Variants in HS3ST2 observed in about 807,000 individuals in gnomAD.
The protein encoded by HS3ST2 is heparan sulfate glucosamine 3-O-sulfotransferase 2.
In HS3ST2, 17 loss-of-function variants were observed where a neutral mutation model predicts 26.3. The ratio of observed to expected loss-of-function variants is 0.65; its 90% confidence interval spans 0.44 to 0.97. HS3ST2 has a LOEUF of 0.97. Among genes scored for constraint, HS3ST2 ranks in the 50% least tolerant of loss-of-function variants. The probability of loss-of-function intolerance (pLI) is 0.00; values close to 1 mark genes in which losing one functional copy is unlikely to be tolerated. For synonymous variants in HS3ST2, 237 were observed against 219.2 expected, an observed-to-expected ratio of 1.08 and a Z score of -0.72; for missense variants, 402 against 501.2, an observed-to-expected ratio of 0.80 and a Z score of 1.89.
chr16:22,842,582 T>A (rs938112997), intron 1 of HS3ST2, among the ~76,000 whole-genome samples: 4 of 152,182 alleles, frequency 2.6e-5, no homozygotes, highest in African/African-American at 9.7e-5. Flanking sequence ...TATATTTTTA[T>A]CAGAATACAT....
intron 1 of HS3ST2, among the ~76,000 whole-genome samples, chr16:22,835,194 A>AT (rs1901237693): frequency 1.3e-5 from 2 of 149,464 alleles, no homozygotes; most frequent in African/African-American, 2.5e-5. Flanking sequence ...TTTTTTGTTT[A>AT]TTTTTTCTTC....
At chr16:22,842,062 C>CTT (rs11285807) in intron 1 of HS3ST2, among the ~76,000 whole-genome samples, 20 of 111,794 alleles carry the variant, frequency 1.8e-4, no homozygotes, top group East Asian at 4.8e-4. Flanking sequence ...TCTTTTCTTT[C>CTT]TTTTTTTTTT....
chr16:22,902,853 G>A (rs1055992343), intron 1 of HS3ST2, among the ~76,000 whole-genome samples: 4 of 151,348 alleles, frequency 2.6e-5, no homozygotes, highest in Non-Finnish European at 2.9e-5. Flanking sequence ...CTTTTCTCAC[G>A]CCTATGATCC....
intron 1 of HS3ST2, among the ~76,000 whole-genome samples, chr16:22,840,914 T>C (rs921762760): frequency 2.6e-5 from 4 of 151,962 alleles, no homozygotes; most frequent in East Asian, 3.9e-4. Context: ...GCTGCACCCA[T>C]TAACTCGTCA....
At chr16:22,815,515 T>C (rs1181828855) in intron 1 of HS3ST2, among the ~76,000 whole-genome samples, 2 of 152,146 alleles carry the variant, frequency 1.3e-5, no homozygotes, top group African/African-American at 4.8e-5. Context: ...ATAAGGCAGT[T>C]CAGAGACCCC....
At chr16:22,822,881 A>T (rs1187526904) in intron 1 of HS3ST2, among the ~76,000 whole-genome samples, 1 of 152,002 alleles carries the variant, frequency 6.6e-6, no homozygotes, top group Non-Finnish European at 1.5e-5. Flanking sequence ...GAAAGAAAGA[A>T]AAAAAGATAT....
chr16:22,914,431 A>C (rs551234750), intron 1 of HS3ST2, among the ~76,000 whole-genome samples: 2 of 152,132 alleles, frequency 1.3e-5, no homozygotes, highest in East Asian at 3.9e-4. Context: ...TTAAAAATTA[A>C]ATAAGAAAAA....
intron 1 of HS3ST2, among the ~76,000 whole-genome samples, chr16:22,859,001 A>G (rs909004685): frequency 6.6e-6 from 1 of 152,138 alleles, no homozygotes; most frequent in Admixed American, 6.5e-5. Flanking sequence ...CCCTGTCTCT[A>G]CAAAAAATTA....
intron 1 of HS3ST2, 38 bp downstream of exon 1, chr16:22,815,133 T>TC: frequency 6.2e-7 from 1 of 1,602,278 alleles, no homozygotes; most frequent in Non-Finnish European, 8.5e-7. Context: ...GCCGGGTCTC[T>TC]GATCGCTTCC....
At chr16:22,861,780 C>T (rs1382505909) in intron 1 of HS3ST2, among the ~76,000 whole-genome samples, 1 of 152,112 alleles carries the variant, frequency 6.6e-6, no homozygotes, top group Non-Finnish European at 1.5e-5. Flanking sequence ...TCCTACTTCC[C>T]CCTTGCTCAC....
At chr16:22,891,816 T>C (rs1261543474) in intron 1 of HS3ST2, among the ~76,000 whole-genome samples, 1 of 152,220 alleles carries the variant, frequency 6.6e-6, no homozygotes, top group Non-Finnish European at 1.5e-5. Flanking sequence ...CCTGATTTTC[T>C]CTTTGAGGTT....
At chr16:22,821,572 A>G (rs1399019657) in intron 1 of HS3ST2, among the ~76,000 whole-genome samples, 2 of 151,992 alleles carry the variant, frequency 1.3e-5, no homozygotes, top group Non-Finnish European at 2.9e-5. Flanking sequence ...GTGACTCAGA[A>G]CTGATAAGTC....
At chr16:22,828,818 C>T (rs1901127898) in intron 1 of HS3ST2, among the ~76,000 whole-genome samples, 1 of 152,188 alleles carries the variant, frequency 6.6e-6, no homozygotes, top group South Asian at 2.1e-4. Flanking sequence ...ACTTTAGGCC[C>T]CCTTTCCTGT....
intron 1 of HS3ST2, among the ~76,000 whole-genome samples, chr16:22,831,153 T>A (rs894472807): frequency 6.6e-6 from 1 of 152,198 alleles, no homozygotes; most frequent in Non-Finnish European, 1.5e-5. Flanking sequence ...TTGAATAGAA[T>A]GGAAAAGGAA....
chr16:22,873,121 G>A (rs1901860953), intron 1 of HS3ST2, among the ~76,000 whole-genome samples: 1 of 152,262 alleles, frequency 6.6e-6, no homozygotes, highest in South Asian at 2.1e-4. Flanking sequence ...TATCTGGCAT[G>A]TAAGTAGTGG....
chr16:22,894,455 C>T (rs1306130912), intron 1 of HS3ST2, among the ~76,000 whole-genome samples: 2 of 152,150 alleles, frequency 1.3e-5, no homozygotes, highest in East Asian at 1.9e-4. Context: ...AAACGCTCAC[C>T]GCCACTGGGG....
intron 1 of HS3ST2, among the ~76,000 whole-genome samples, chr16:22,825,400 A>T (rs1901068941): frequency 6.6e-6 from 1 of 152,242 alleles, no homozygotes; most frequent in Non-Finnish European, 1.5e-5. Flanking sequence ...AGATGAATAT[A>T]ACACAGAGCC....
chr16:22,899,185 T>C (rs1433806227), intron 1 of HS3ST2, among the ~76,000 whole-genome samples: 1 of 151,644 alleles, frequency 6.6e-6, no homozygotes, highest in Non-Finnish European at 1.5e-5. Context: ...TCAGATCTGG[T>C]GGGAAAGGAT....
chr16:22,830,433 G>A (rs149849534), intron 1 of HS3ST2, among the ~76,000 whole-genome samples: 264 of 152,258 alleles, frequency 1.7e-3, no homozygotes, highest in Middle Eastern at 6.8e-3. Context: ...AAGATCAGCC[G>A]GGAAGAATTT....
Sources: gnomAD v4.1 joint callset for allele counts (sites outside exome capture counted in the v4.1 genomes callset) on GRCh38, gnomAD v4.1.1 for gene constraint, MANE v1.5 for transcripts, NCBI Gene and HGNC (gene_info 2026-07-23, HGNC 2026-07-21) for gene names.